Variants in SYT9 observed in about 807,000 individuals in gnomAD.
The protein encoded by SYT9 is synaptotagmin 9.
SYT9 carries 22 observed loss-of-function variants against 48.4 expected under a neutral mutation model. That is an observed-to-expected ratio of 0.45 (90% confidence interval 0.32 to 0.65). The LOEUF (loss-of-function observed/expected upper bound fraction) is 0.65, where lower values mean the gene tolerates loss of function less well. Among genes scored for constraint, SYT9 ranks in the 30% least tolerant of loss-of-function variants. The pLI is 0.03. For missense variants in SYT9, 577 were observed against 622.0 expected, an observed-to-expected ratio of 0.93 and a Z score of 0.77; for synonymous variants, 265 against 245.0, an observed-to-expected ratio of 1.08 and a Z score of -0.76.
chr11:7,308,932 A>G (rs1302472287), intron 2 of SYT9, among the ~76,000 whole-genome samples: 1 of 152,210 alleles, frequency 6.6e-6, no homozygotes, highest in East Asian at 1.9e-4. Flanking sequence ...GAGGAAAGGA[A>G]AGGAGGAGAA....
At chr11:7,449,181 T>C (rs1847993190) in intron 6 of SYT9, among the ~76,000 whole-genome samples, 1 of 151,692 alleles carries the variant, frequency 6.6e-6, no homozygotes, top group Non-Finnish European at 1.5e-5. Context: ...CTGTCTCTAC[T>C]AAAAATACAA....
At chr11:7,338,974 A>G (rs1459971146) in intron 3 of SYT9, among the ~76,000 whole-genome samples, 1 of 152,106 alleles carries the variant, frequency 6.6e-6, no homozygotes, top group Non-Finnish European at 1.5e-5. Context: ...GTGTGAGAGT[A>G]TAAGTATTTT....
At chr11:7,427,552 C>G (rs1273707284) in intron 6 of SYT9, 1 of 152,178 alleles carries the variant, frequency 6.6e-6, no homozygotes. Flanking sequence ...TAAGTGAAAA[C>G]TGATCAGGAG....
intron 3 of SYT9, among the ~76,000 whole-genome samples, chr11:7,350,971 G>A (rs867405754): frequency 6.6e-6 from 1 of 152,148 alleles, no homozygotes; most frequent in Non-Finnish European, 1.5e-5. Flanking sequence ...GAGATTAGGC[G>A]TGAAGTAAGT....
chr11:7,300,552 T>C (rs543093111), intron 1 of SYT9, among the ~76,000 whole-genome samples: 18 of 152,344 alleles, frequency 1.2e-4, no homozygotes, highest in Admixed American at 5.2e-4. Flanking sequence ...GGCCTCCCAG[T>C]GTGCCCCTTC....
chr11:7,298,127 GA>G (rs1251462108), intron 1 of SYT9, among the ~76,000 whole-genome samples: 1 of 151,552 alleles, frequency 6.6e-6, no homozygotes, highest in African/African-American at 2.4e-5. Context: ...CTCACTTCTG[GA>G]AAATTTAAAT....
chr11:7,348,642 A>G (rs1366210953), intron 3 of SYT9, among the ~76,000 whole-genome samples: 3 of 109,016 alleles, frequency 2.8e-5, no homozygotes, highest in Admixed American at 2.3e-4. Context: ...GCCTCAGGCT[A>G]TCTTTAGCAT....
At chr11:7,289,694 C>T (rs1848664657) in intron 1 of SYT9, among the ~76,000 whole-genome samples, 1 of 152,088 alleles carries the variant, frequency 6.6e-6, no homozygotes, top group South Asian at 2.1e-4. Context: ...TTTGTATCTT[C>T]TAGTTTGATT....
intron 3 of SYT9, among the ~76,000 whole-genome samples, chr11:7,400,371 G>C (rs1846864754): frequency 1.3e-5 from 2 of 152,132 alleles, no homozygotes; most frequent in African/African-American, 4.8e-5. Context: ...CCTTACATAT[G>C]CAAAAAATAT....
intron 3 of SYT9, among the ~76,000 whole-genome samples, chr11:7,338,329 G>T (rs905917909): frequency 6.6e-6 from 1 of 152,048 alleles, no homozygotes; most frequent in African/African-American, 2.4e-5. Context: ...TCTTTTGAAT[G>T]ATTTTTCATG....
intron 6 of SYT9, among the ~76,000 whole-genome samples, chr11:7,437,373 C>CAA (rs1170514396): frequency 1.3e-5 from 2 of 152,148 alleles, no homozygotes; most frequent in Non-Finnish European, 2.9e-5. Context: ...AAAACTGAAA[C>CAA]AAAAGTTTCA....
chr11:7,369,158 T>C (rs1850305716), intron 3 of SYT9, among the ~76,000 whole-genome samples: 1 of 152,200 alleles, frequency 6.6e-6, no homozygotes, highest in Non-Finnish European at 1.5e-5. Context: ...TTTCCTGACT[T>C]TTTAATAACC....
chr11:7,323,771 T>G lies in SYT9; in HGVS notation c.1044+9830T>G, dbSNP rs572953680. Reference sequence around the variant, plus strand: ...CAACTTGTTCACAATGTGTTGCTTTTTTATATACATGGATATACATGAATG... The same window carrying G: ...CAACTTGTTCACAATGTGTTGCTTTGTTATATACATGGATATACATGAATG... On this transcript the variant is annotated intron_variant, in intron 3 of 6. Coordinates refer to ENST00000318881, the MANE Select transcript of SYT9 (RefSeq NM_175733.4). 1.4e-3 allele frequency among the ~76,000 whole-genome samples: 219 copies of G among 152,098 alleles called. 1 individual carries two copies. The highest frequency in any genetic ancestry group is 5.1e-3 in the African/African-American group (211 of 41,556).
At chr11:7,463,386 G>T (rs1185611999) in intron 6 of SYT9, among the ~76,000 whole-genome samples, 1 of 152,122 alleles carries the variant, frequency 6.6e-6, no homozygotes, top group African/African-American at 2.4e-5. Context: ...ATTTTTGGCT[G>T]AAAAACAGCT....
chr11:7,372,212 G>A (rs192683711), intron 3 of SYT9, among the ~76,000 whole-genome samples: 10 of 152,166 alleles, frequency 6.6e-5, no homozygotes, highest in East Asian at 1.9e-4. Context: ...ATGGCATTTC[G>A]TTGTGGCTTT....
At chr11:7,373,219 G>A (rs1850394150) in intron 3 of SYT9, among the ~76,000 whole-genome samples, 1 of 151,978 alleles carries the variant, frequency 6.6e-6, no homozygotes. Context: ...TGTTTTGATG[G>A]ATATGCTTCC....
intron 1 of SYT9, among the ~76,000 whole-genome samples, chr11:7,285,107 A>G (rs1006141473): frequency 2.6e-5 from 4 of 152,084 alleles, no homozygotes; most frequent in Non-Finnish European, 5.9e-5. Context: ...TATCCCTAGT[A>G]CCTATTTCAT....
intron 5 of SYT9, 37 bp from the exon 6 acceptor site, chr11:7,420,469 A>C (rs952368761): frequency 1.3e-5 from 21 of 1,609,968 alleles, no homozygotes; most frequent in Non-Finnish European, 1.7e-5. Context: ...TACATACCAA[A>C]ATTTTAAGAA....
intron 6 of SYT9, among the ~76,000 whole-genome samples, chr11:7,447,092 C>T (rs537770181): frequency 1.3e-5 from 2 of 152,352 alleles, no homozygotes; most frequent in African/African-American, 4.8e-5. Flanking sequence ...CTAAAGCTTT[C>T]CAATGTTCTG....
Sources: allele counts gnomAD v4.1 joint callset (sites outside exome capture counted in the v4.1 genomes callset), GRCh38; gene constraint gnomAD v4.1.1; transcripts MANE v1.5; gene names NCBI Gene and HGNC (gene_info 2026-07-23, HGNC 2026-07-21).